Variants in CCDC102B observed in about 807,000 individuals in gnomAD.
CCDC102B encodes coiled-coil domain-containing protein 102B.
CCDC102B carries 75 observed loss-of-function variants against 57.4 expected under a neutral mutation model. The observed-to-expected ratio is 1.31, with a 90% CI of 1.08 to 1.58. The LOEUF (loss-of-function observed/expected upper bound fraction) is 1.58. Ranked by LOEUF, CCDC102B falls within the 40% of genes most tolerant of loss-of-function variation. CCDC102B has a pLI of 0.00. For missense variants in CCDC102B, 636 were observed against 582.6 expected, an observed-to-expected ratio of 1.09 and a Z score of -0.94; for synonymous variants, 206 against 201.9, an observed-to-expected ratio of 1.02 and a Z score of -0.17.
At chr18:68,906,045 G>A (rs1954264828) in intron 6 of CCDC102B, among the ~76,000 whole-genome samples, 1 of 151,730 alleles carries the variant, frequency 6.6e-6, no homozygotes. Flanking sequence ...CACCTGCCTC[G>A]GCCTCCCAAA....
intron 2 of CCDC102B, among the ~76,000 whole-genome samples, chr18:68,746,116 G>A (rs2033609463): frequency 6.6e-6 from 1 of 152,134 alleles, no homozygotes; most frequent in South Asian, 2.1e-4. Flanking sequence ...AAAAACATAT[G>A]CAACGCATGA....
chr18:68,856,755 T>C (rs2038404301), intron 4 of CCDC102B, among the ~76,000 whole-genome samples: 2 of 151,998 alleles, frequency 1.3e-5, no homozygotes, highest in South Asian at 4.1e-4. Flanking sequence ...AATATATATC[T>C]TGAAGATGTT....
At chr18:68,823,322 C>T (rs1300547879) in intron 1 of CCDC102B, 2 of 152,246 alleles carry the variant, frequency 1.3e-5, no homozygotes, top group Non-Finnish European at 2.9e-5. Context: ...TAAATCTGTG[C>T]TTTCATTGCT....
intron 6 of CCDC102B, among the ~76,000 whole-genome samples, chr18:68,932,098 G>C (rs766062103): frequency 2.6e-5 from 4 of 151,432 alleles, no homozygotes; most frequent in Non-Finnish European, 5.9e-5. Context: ...GTATATCCCA[G>C]CTCTGTACAT....
chr18:68,902,844 G>T (rs937622377), intron 6 of CCDC102B, among the ~76,000 whole-genome samples: 85 of 152,128 alleles, frequency 5.6e-4, no homozygotes, highest in African/African-American at 2.0e-3. Context: ...CTAGTTGTTT[G>T]TGAGATCATT....
At chr18:69,017,440 G>A (rs1400431947) in intron 7 of CCDC102B, among the ~76,000 whole-genome samples, 3 of 151,786 alleles carry the variant, frequency 2.0e-5, no homozygotes, top group South Asian at 2.1e-4. Context: ...TCTTTCTTTC[G>A]TGGAACTCTT....
chr18:69,033,559 C>T (rs2052206281), intron 7 of CCDC102B, among the ~76,000 whole-genome samples: 1 of 152,016 alleles, frequency 6.6e-6, no homozygotes, highest in Admixed American at 6.6e-5. Context: ...CCTTTTGTGA[C>T]TGGCTTATTT....
chr18:68,917,905 T>C (rs2041132786), intron 6 of CCDC102B, among the ~76,000 whole-genome samples: 2 of 152,288 alleles, frequency 1.3e-5, no homozygotes, highest in South Asian at 4.1e-4. Flanking sequence ...ATAAACATCA[T>C]TTTTAAGAAA....
chr18:68,877,794 C>T (rs2039507456), intron 5 of CCDC102B, among the ~76,000 whole-genome samples: 1 of 152,152 alleles, frequency 6.6e-6, no homozygotes, highest in South Asian at 2.1e-4. Flanking sequence ...CAAACAATTA[C>T]ATTTCTCTTC....
intron 6 of CCDC102B, among the ~76,000 whole-genome samples, chr18:68,918,360 G>A (rs1026713564): frequency 5.9e-5 from 9 of 151,712 alleles, no homozygotes; most frequent in South Asian, 2.1e-4. Context: ...AATTAACTCC[G>A]TCCCCAAATT....
At position 68,835,904 on chromosome 18, in the gene CCDC102B, G is replaced by A. The variant is rs565042167; in HGVS notation, c.-15-845G>A. On this transcript the variant is annotated intron_variant, in intron 1 of 7. Coordinates refer to ENST00000360242, the MANE Select transcript of CCDC102B (RefSeq NM_024781.3). ...GTACCCTTCATCTCACATCCCAGCC[G>A]CCAGAGCCAGACCCTATGGCTGCCT... is the stretch of plus-strand genomic sequence containing the variant. Among the ~76,000 whole-genome samples, 11 of 152,202 alleles carry A rather than the reference G, an allele frequency of 7.2e-5. No homozygotes were observed. In the South Asian group the frequency reaches 1.0e-3, roughly 14 times the overall value.
intron 1 of CCDC102B, among the ~76,000 whole-genome samples, chr18:68,807,293 A>T (rs1010973453): frequency 1.3e-5 from 2 of 152,172 alleles, no homozygotes; most frequent in African/African-American, 4.8e-5. Flanking sequence ...TGTGAAAATC[A>T]GGCAATGATA....
chr18:68,762,746 G>A (rs2034294451), intron 2 of CCDC102B, among the ~76,000 whole-genome samples: 2 of 152,254 alleles, frequency 1.3e-5, no homozygotes, highest in South Asian at 2.1e-4. Context: ...TACTTTTGCT[G>A]ATGCACCTCA....
At chr18:69,012,800 G>A (rs2051554776) in intron 7 of CCDC102B, among the ~76,000 whole-genome samples, 1 of 152,136 alleles carries the variant, frequency 6.6e-6, no homozygotes, top group Non-Finnish European at 1.5e-5. Context: ...ATTGTTGGAA[G>A]CCACTGAGAT....
chr18:68,952,194 G>T (rs1192457820), intron 6 of CCDC102B, among the ~76,000 whole-genome samples: 2 of 151,384 alleles, frequency 1.3e-5, no homozygotes, highest in African/African-American at 4.9e-5. Context: ...TTTCAGTTCT[G>T]CCCCTTCACT....
chr18:68,876,080 T>C (rs375325223), intron 5 of CCDC102B, among the ~76,000 whole-genome samples: 1 of 152,340 alleles, frequency 6.6e-6, no homozygotes, highest in East Asian at 1.9e-4. Context: ...TAGATATCTC[T>C]TTTTCTTGAC....
chr18:68,716,957 G>C (rs1261480925), intron 2 of CCDC102B, among the ~76,000 whole-genome samples: 2 of 151,036 alleles, frequency 1.3e-5, no homozygotes, highest in African/African-American at 4.9e-5. Flanking sequence ...AGACACCTGT[G>C]GTCCCAGCTA....
At chr18:68,741,844 A>T (rs1251779263) in intron 2 of CCDC102B, among the ~76,000 whole-genome samples, 1 of 152,168 alleles carries the variant, frequency 6.6e-6, no homozygotes, top group East Asian at 1.9e-4. Flanking sequence ...GTTTTTACTG[A>T]GGTCAGTGAT....
Position 68,733,507 on chromosome 18 carries a change from T to TATATATATATATATA in CCDC102B, c.-67+16913_-67+16914insATATATATATATATA, listed in dbSNP as rs1491296876. ...ATATATATATATATATATATATATATTTTTTTAACTTAAGCATGCTTTAAG... is the reference window on the plus strand; with the variant it reads ...ATATATATATATATATATATATATATATATATATATATATATTTTTTAACTTAAGCATGCTTTAAG... On this transcript the variant is annotated intron_variant, in intron 2 of 3. Coordinates refer to the CCDC102B transcript ENST00000578970. 6.8e-4 allele frequency among the ~76,000 whole-genome samples: 52 copies of TATATATATATATATA among 76,072 alleles called. 1 individual carries two copies. The highest frequency in any genetic ancestry group is 1.1e-3 in the African/African-American group (18 of 17,008). The allele number at this position is 76,072 out of a possible 152,430, so 49.9% of individuals were successfully genotyped here.
Sources: gnomAD v4.1 joint callset for allele counts (sites outside exome capture counted in the v4.1 genomes callset) on GRCh38, gnomAD v4.1.1 for gene constraint, MANE v1.5 for transcripts, NCBI Gene and HGNC (gene_info 2026-07-23, HGNC 2026-07-21) for gene names.